Variants in POLR2F observed in about 807,000 individuals in gnomAD.
POLR2F encodes the protein DNA-directed RNA polymerases I, II, and III subunit RPABC2.
POLR2F carries 12 observed loss-of-function variants against 22.7 expected under a neutral mutation model. The ratio of observed to expected loss-of-function variants is 0.53; its 90% CI spans 0.34 to 0.86. The LOEUF is 0.86. POLR2F is among the 40% of genes least tolerant of loss of function. The pLI, the probability that POLR2F is intolerant of heterozygous loss-of-function variation, is 0.02. For synonymous variants in POLR2F, 57 were observed against 66.0 expected, an observed-to-expected ratio of 0.86 and a Z score of 0.66; for missense variants, 126 against 171.5, an observed-to-expected ratio of 0.73 and a Z score of 1.48.
intron 1 of POLR2F, among the ~76,000 whole-genome samples, chr22:38,000,406 T>C (rs1015222091): frequency 6.6e-6 from 1 of 152,202 alleles, no homozygotes; most frequent in Non-Finnish European, 1.5e-5. Context: ...CAAACTTGGA[T>C]GCTAGGGGCC....
chr22:37,976,689 T>C (rs1932230603), intron 4 of POLR2F, among the ~76,000 whole-genome samples: 1 of 152,208 alleles, frequency 6.6e-6, no homozygotes, highest in African/African-American at 2.4e-5. Context: ...TTGCCACAGC[T>C]GAGATCTGAG....
intron 1 of POLR2F, among the ~76,000 whole-genome samples, chr22:37,993,323 T>A (rs1894984084): frequency 6.6e-6 from 1 of 152,162 alleles, no homozygotes; most frequent in Non-Finnish European, 1.5e-5. Flanking sequence ...CCTTGTCATT[T>A]TCCTCTGTGA....
chr22:38,010,805 C>T (rs936357033), intron 1 of POLR2F, among the ~76,000 whole-genome samples: 15 of 151,694 alleles, frequency 9.9e-5, no homozygotes, highest in Non-Finnish European at 1.9e-4. Context: ...TTATTAGAGA[C>T]GGGGTTTCGC....
At chr22:37,973,471 G>GGGGT (rs1932120546), downstream of POLR2F, 1 of 1,454,886 alleles carries the variant, frequency 6.9e-7, no homozygotes, top group Non-Finnish European at 9.4e-7. Context: ...GGCTGGGCGG[G>GGGGT]GGGTGGTGGC....
chr22:37,998,705 C>T (rs2084740423), intron 1 of POLR2F, among the ~76,000 whole-genome samples: 2 of 152,074 alleles, frequency 1.3e-5, no homozygotes, highest in South Asian at 2.1e-4. Flanking sequence ...TGGCTTTGGC[C>T]ACGGCCATTC....
At chr22:38,024,461 T>C (rs1427887335) in intron 1 of POLR2F, among the ~76,000 whole-genome samples, 2 of 152,222 alleles carry the variant, frequency 1.3e-5, no homozygotes, top group Non-Finnish European at 2.9e-5. Context: ...TAGCGAGAAT[T>C]CTTTGACAAG....
At chr22:37,989,789 G>A (rs537347391) in intron 1 of POLR2F, among the ~76,000 whole-genome samples, 1 of 152,308 alleles carries the variant, frequency 6.6e-6, no homozygotes, top group South Asian at 2.1e-4. Flanking sequence ...TTGCCCCTAG[G>A]CTGCAAGTGC....
chr22:38,022,128 C>CAA (rs11315200), intron 1 of POLR2F, among the ~76,000 whole-genome samples: 6 of 134,406 alleles, frequency 4.5e-5, no homozygotes, highest in Non-Finnish European at 6.5e-5. Context: ...GATACTGTCT[C>CAA]AAAAAAAAAA....
chr22:37,973,409 C>T, downstream of POLR2F: 2 of 902,870 alleles, frequency 2.2e-6, no homozygotes, highest in Non-Finnish European at 3.3e-6. Context: ...CCTCCACTGC[C>T]ACCACCAGGC....
chr22:37,953,916 T>C, intron 1 of POLR2F, 109 bp downstream of exon 1: 1 of 1,318,132 alleles, frequency 7.6e-7, no homozygotes, highest in East Asian at 2.5e-5. Context: ...CTGAGGGGAC[T>C]GGGGTCCTGA....
intron 1 of POLR2F, among the ~76,000 whole-genome samples, chr22:38,021,234 T>A (rs1270963840): frequency 1.5e-4 from 23 of 152,168 alleles, no homozygotes. Context: ...GAGGAGGAAT[T>A]GGCCAGGGAC....
intron 3 of POLR2F, among the ~76,000 whole-genome samples, chr22:37,963,423 A>G (rs375256070): frequency 8.5e-5 from 13 of 152,290 alleles, no homozygotes; most frequent in African/African-American, 3.1e-4. Flanking sequence ...CCAGGTAGCT[A>G]GGACTACAGG....
chr22:37,964,569 TTTC>T (rs1419551944), intron 3 of POLR2F, among the ~76,000 whole-genome samples: 101 of 97,428 alleles, frequency 1.0e-3, no homozygotes, highest in African/African-American at 3.8e-3. Flanking sequence ...TCTTTCTTTC[TTTC>T]TTTTTTTTTT....
Position 37,978,087 on chromosome 22 carries a change from C to G in POLR2F, c.293+10917C>G. 6.3e-7 allele frequency: 1 copy of G among 1,599,066 alleles called. No homozygotes were observed. The highest frequency in any genetic ancestry group is 1.1e-5 in the South Asian group (1 of 90,102). The stretch of plus-strand genomic sequence containing the variant: ...GGTCTTTCTTGTGCTGCATACGGAG[C>G]CGCTCAGCCTCCTCGATGAAGGGGC... On this transcript the variant is annotated intron_variant, in intron 4 of 4. Coordinates refer to the POLR2F transcript ENST00000405557. The surrounding 1 kb of genome is among the most constrained non-coding windows in gnomAD (Gnocchi z 5.0).
chr22:37,956,249 C>T (rs1469133696), intron 1 of POLR2F, among the ~76,000 whole-genome samples: 2 of 152,024 alleles, frequency 1.3e-5, no homozygotes, highest in South Asian at 2.1e-4. Flanking sequence ...GCCACCACCA[C>T]TCCCGGCTAA....
At chr22:37,985,525 C>T (rs1932544005), upstream of POLR2F, among the ~76,000 whole-genome samples, 1 of 152,154 alleles carries the variant, frequency 6.6e-6, no homozygotes, top group Admixed American at 6.5e-5. Context: ...GTGCTGTTCT[C>T]TTAACTGAGG....
At chr22:38,023,331 T>C (rs926987342) in intron 1 of POLR2F, among the ~76,000 whole-genome samples, 1 of 152,180 alleles carries the variant, frequency 6.6e-6, no homozygotes, top group African/African-American at 2.4e-5. Flanking sequence ...GTCAGTGATG[T>C]CTGCTTGTCT....
chr22:37,975,640 C>T (rs986870954), intron 4 of POLR2F, among the ~76,000 whole-genome samples: 4 of 152,326 alleles, frequency 2.6e-5, no homozygotes, highest in Non-Finnish European at 4.4e-5. Context: ...CCAGAGGCAG[C>T]GCCAAGTCCT....
At chr22:37,987,475 GC>G (rs1387096696) in intron 1 of POLR2F, 1 of 311,424 alleles carries the variant, frequency 3.2e-6, no homozygotes, top group East Asian at 8.7e-5. Flanking sequence ...GGAAGGCTCC[GC>G]CTGTGTTCCC....
Sources: gnomAD v4.1 joint callset for allele counts (sites outside exome capture counted in the v4.1 genomes callset) on GRCh38, gnomAD v4.1.1 for gene constraint, Gnocchi (gnomAD v3.1) non-coding constraint, MANE v1.5 for transcripts, NCBI Gene and HGNC (gene_info 2026-07-23, HGNC 2026-07-21) for gene names.